ZDHHC14: variants seen among roughly 807,000 people sequenced by gnomAD.
ZDHHC14 encodes zDHHC palmitoyltransferase 14.
ZDHHC14 carries 16 observed loss-of-function variants against 47.7 expected under a neutral mutation model. The observed-to-expected ratio is 0.34, with a 90% CI of 0.23 to 0.51. The LOEUF (loss-of-function observed/expected upper bound fraction) is 0.51, where lower values mean the gene tolerates loss of function less well. ZDHHC14 is among the 20% of genes least tolerant of loss of function. The pLI, the probability that ZDHHC14 is intolerant of heterozygous loss-of-function variation, is 0.97. For synonymous variants in ZDHHC14, 293 were observed against 278.9 expected (o/e 1.05, Z -0.50); for missense variants, 515 against 662.5 (o/e 0.78, Z 2.44).
intron 1 of ZDHHC14, among the ~76,000 whole-genome samples, chr6:157,402,489 C>T (rs1216089631): frequency 1.3e-5 from 2 of 152,268 alleles, no homozygotes; most frequent in African/African-American, 2.4e-5. Context: ...GTGAGATGCA[C>T]ACCTGCTGAT....
intron 2 of ZDHHC14, among the ~76,000 whole-genome samples, chr6:157,552,613 C>T (rs1056406358): frequency 2.6e-5 from 4 of 152,176 alleles, no homozygotes; most frequent in East Asian, 1.9e-4. Flanking sequence ...GGAGGTGTGG[C>T]GGGACCTGTT....
chr6:157,558,205 C>T (rs1289501162), intron 2 of ZDHHC14, among the ~76,000 whole-genome samples: 2 of 152,160 alleles, frequency 1.3e-5, no homozygotes, highest in Admixed American at 1.3e-4. Context: ...CAGACAGTGG[C>T]CAGCACCTTG....
At chr6:157,530,979 A>G (rs1470748833) in intron 1 of ZDHHC14, among the ~76,000 whole-genome samples, 5 of 152,208 alleles carry the variant, frequency 3.3e-5, no homozygotes, top group Non-Finnish European at 7.3e-5. Context: ...CCTACTTTGC[A>G]AAAGAAAGAA....
intron 8 of ZDHHC14, among the ~76,000 whole-genome samples, chr6:157,669,365 C>T (rs1778692618): frequency 6.6e-6 from 1 of 151,966 alleles, no homozygotes; most frequent in Non-Finnish European, 1.5e-5. Context: ...GAGGAGAGCC[C>T]ACCTCTCCCC....
At chr6:157,406,230 G>A (rs958570980) in intron 1 of ZDHHC14, among the ~76,000 whole-genome samples, 1 of 152,190 alleles carries the variant, frequency 6.6e-6, no homozygotes, top group Non-Finnish European at 1.5e-5. Flanking sequence ...GAATCCTGGA[G>A]GACCGGGTGC....
chr6:157,654,872 A>G (rs916165702), intron 8 of ZDHHC14, among the ~76,000 whole-genome samples: 1 of 151,818 alleles, frequency 6.6e-6, no homozygotes, highest in African/African-American at 2.4e-5. Flanking sequence ...AGTAGCTGGG[A>G]CTACAGGTGC....
At chr6:157,529,931 G>A (rs2114781333) in intron 1 of ZDHHC14, among the ~76,000 whole-genome samples, 1 of 152,252 alleles carries the variant, frequency 6.6e-6, no homozygotes, top group East Asian at 1.9e-4. Flanking sequence ...AGTCTTATCA[G>A]TCAAATTAAT....
chr6:157,645,972 C>A, intron 6 of ZDHHC14, 133 bp downstream of exon 6: 1 of 705,900 alleles, frequency 1.4e-6, no homozygotes, highest in Non-Finnish European at 2.3e-6. Context: ...GGAACAGAGA[C>A]GGTGCCGTGG....
At chr6:157,572,309 C>T (rs1783129791) in intron 2 of ZDHHC14, among the ~76,000 whole-genome samples, 1 of 152,084 alleles carries the variant, frequency 6.6e-6, no homozygotes, top group Non-Finnish European at 1.5e-5. Context: ...TCAGATTTCC[C>T]CCGGGAGGCA....
chr6:157,585,541 A>G (rs1440755379), intron 2 of ZDHHC14, among the ~76,000 whole-genome samples: 1 of 152,150 alleles, frequency 6.6e-6, no homozygotes, highest in Non-Finnish European at 1.5e-5. Context: ...GAAAGACTTC[A>G]TGATTGGCCA....
rs150853960 is a variant in ZDHHC14 at position 157,624,868 on chromosome 6, G to A, written c.566-3481G>A. Among the ~76,000 whole-genome samples the A allele has an allele frequency of 4.2e-4, 64 of 152,264 alleles. No homozygotes were observed. The East Asian group carries it at 9.7e-3, about 23-fold the overall frequency. The stretch of plus-strand genomic sequence containing the variant: ...CTGCTGTGACAGAGTACCACAGACC[G>A]GGTAACTTATAAAGAGCAGAGATTT... On this transcript the variant is annotated intron_variant, in intron 3 of 8. Transcript: ENST00000359775.
At chr6:157,478,247 TAG>T (rs1405621063) in intron 1 of ZDHHC14, among the ~76,000 whole-genome samples, 1 of 152,224 alleles carries the variant, frequency 6.6e-6, no homozygotes, top group Non-Finnish European at 1.5e-5. Context: ...TGAACAATGA[TAG>T]AGTTTTTATT....
chr6:157,447,326 G>T lies in ZDHHC14; in HGVS notation c.245+65060G>T, dbSNP rs370686329. Among the ~76,000 whole-genome samples the T allele has an allele frequency of 2.5e-3, 382 of 152,290 alleles. 1 individual carries two copies. Among genetic ancestry groups the T allele is most frequent in the African/African-American group, 8.6e-3 (358 of 41,582 alleles). ...GGGGTGAGGCGTCCAAGGGTCAAGTGGGGGCACCTCCTACTTTCTATGGGC... is the reference window on the plus strand; with the variant it reads ...GGGGTGAGGCGTCCAAGGGTCAAGTTGGGGCACCTCCTACTTTCTATGGGC... On this transcript the variant is annotated intron_variant, in intron 1 of 8. Transcript: ENST00000359775.
intron 4 of ZDHHC14, chr6:157,631,111 A>G (rs544522023): frequency 3.9e-5 from 6 of 152,360 alleles, no homozygotes; most frequent in Admixed American, 2.0e-4. Flanking sequence ...ATAGTCACCA[A>G]TATGCTCACA....
intron 1 of ZDHHC14, among the ~76,000 whole-genome samples, chr6:157,534,485 C>T (rs1186437584): frequency 6.6e-6 from 1 of 152,102 alleles, no homozygotes; most frequent in East Asian, 1.9e-4. Flanking sequence ...TTGGCTTTCC[C>T]TCCCATGATT....
At chr6:157,668,974 A>G (rs775601341) in intron 8 of ZDHHC14, among the ~76,000 whole-genome samples, 50 of 152,202 alleles carry the variant, frequency 3.3e-4, no homozygotes, top group Non-Finnish European at 5.1e-4. Context: ...TTTAAGAAAA[A>G]ACAAACAATA....
At chr6:157,391,195 C>T (rs894208425) in intron 1 of ZDHHC14, among the ~76,000 whole-genome samples, 41 of 152,318 alleles carry the variant, frequency 2.7e-4, no homozygotes, top group African/African-American at 9.6e-4. Context: ...AGTCCAGGAC[C>T]AGCTTACCAA....
At chr6:157,499,684 T>C (rs1363228611) in intron 1 of ZDHHC14, among the ~76,000 whole-genome samples, 47 of 152,188 alleles carry the variant, frequency 3.1e-4, no homozygotes, top group Non-Finnish European at 8.8e-5. Flanking sequence ...ATGACGATGG[T>C]GTTCCATGTC....
At chr6:157,532,976 C>T (rs1313642594) in intron 1 of ZDHHC14, among the ~76,000 whole-genome samples, 1 of 152,082 alleles carries the variant, frequency 6.6e-6, no homozygotes, top group Non-Finnish European at 1.5e-5. Context: ...AAAAATAAGC[C>T]ATGCTTTAAT....
Sources: allele counts gnomAD v4.1 joint callset (sites outside exome capture counted in the v4.1 genomes callset), GRCh38; gene constraint gnomAD v4.1.1; transcripts MANE v1.5; gene names NCBI Gene and HGNC (gene_info 2026-07-23, HGNC 2026-07-21).